The following MRPS9 variants were observed in gnomAD, a reference collection of about 807,000 sequenced individuals.
MRPS9 encodes mitochondrial ribosomal protein S9.
A neutral mutation model predicts 59.9 loss-of-function variants in MRPS9; 45 were observed. The observed-to-expected ratio is 0.75, with a 90% CI of 0.59 to 0.96. The LOEUF (loss-of-function observed/expected upper bound fraction) is 0.96. Ranked by LOEUF, MRPS9 falls within the 40% of genes least tolerant of loss-of-function variation. The pLI, the probability that MRPS9 is intolerant of heterozygous loss-of-function variation, is 0.00. For synonymous variants in MRPS9, 171 were observed against 166.8 expected, an observed-to-expected ratio of 1.03 and a Z score of -0.19; for missense variants, 473 against 481.1, an observed-to-expected ratio of 0.98 and a Z score of 0.16.
chr2:105,040,711 T>G (rs1421023792), intron 1 of MRPS9, among the ~76,000 whole-genome samples: 2 of 152,188 alleles, frequency 1.3e-5, no homozygotes, highest in Non-Finnish European at 2.9e-5. Flanking sequence ...GGCAGTCTTA[T>G]GAATGGCCAA....
chr2:105,086,356 T>G (rs1159366224), intron 5 of MRPS9, among the ~76,000 whole-genome samples: 1 of 152,186 alleles, frequency 6.6e-6, no homozygotes, highest in East Asian at 1.9e-4. Context: ...CACATTTTTT[T>G]CTGATAGTTT....
At chr2:105,084,937 T>C (rs1400861447) in intron 5 of MRPS9, among the ~76,000 whole-genome samples, 7 of 152,182 alleles carry the variant, frequency 4.6e-5, no homozygotes, top group Non-Finnish European at 1.5e-5. Context: ...TTGGCTTTAA[T>C]TAGATTACCT....
intron 5 of MRPS9, among the ~76,000 whole-genome samples, chr2:105,088,364 T>C (rs185592093): frequency 6.6e-6 from 1 of 152,248 alleles, no homozygotes; most frequent in East Asian, 1.9e-4. Flanking sequence ...TTGCAAGTTT[T>C]AACAAAATGG....
chr2:105,042,062 C>G lies in MRPS9; in HGVS notation c.135+3835C>G, dbSNP rs1679511774. Among the ~76,000 whole-genome samples, 2 of 152,138 alleles carry G rather than the reference C, an allele frequency of 1.3e-5. 1 individual carries two copies. Among genetic ancestry groups the G allele is most frequent in the South Asian group, 4.1e-4 (2 of 4,834 alleles). ...TGATGAACGTATCAGTTATTTATTGCTACATAACAAATTATCCTAAAACCT... is the reference window on the plus strand; with the variant it reads ...TGATGAACGTATCAGTTATTTATTGGTACATAACAAATTATCCTAAAACCT... On this transcript the variant is annotated intron_variant, in intron 1 of 10. Coordinates refer to ENST00000258455, the MANE Select transcript of MRPS9 (RefSeq NM_182640.3).
intron 2 of MRPS9, among the ~76,000 whole-genome samples, chr2:105,059,477 C>T (rs1028959962): frequency 1.3e-5 from 2 of 152,092 alleles, no homozygotes; most frequent in Admixed American, 1.3e-4. Flanking sequence ...AAACCAAATA[C>T]AAACCCAAAT....
intron 2 of MRPS9, among the ~76,000 whole-genome samples, chr2:105,053,658 A>G (rs1281624922): frequency 2.0e-5 from 3 of 152,202 alleles, no homozygotes; most frequent in African/African-American, 7.2e-5. Flanking sequence ...TCAGGTAGAA[A>G]CCAATTTTAA....
chr2:105,048,343 G>A (rs1392403598), intron 1 of MRPS9, among the ~76,000 whole-genome samples: 2 of 151,672 alleles, frequency 1.3e-5, no homozygotes, highest in East Asian at 1.9e-4. Context: ...CACACTCTGG[G>A]GACTGTTGTG....
At chr2:105,048,230 T>G (rs1402035808) in intron 1 of MRPS9, among the ~76,000 whole-genome samples, 1 of 151,988 alleles carries the variant, frequency 6.6e-6, no homozygotes, top group African/African-American at 2.4e-5. Flanking sequence ...GAAATCATCA[T>G]TCTCAGTAAA....
chr2:105,049,376 A>G, intron 2 of MRPS9, 26 bp downstream of exon 2: 1 of 1,584,176 alleles, frequency 6.3e-7, no homozygotes, highest in Non-Finnish European at 8.6e-7. Context: ...CTGTTGAAAA[A>G]GTAATTGCTG....
intron 8 of MRPS9, 48 bp from the exon 9 acceptor site, chr2:105,093,482 G>A: frequency 8.9e-7 from 1 of 1,121,042 alleles, no homozygotes; most frequent in Non-Finnish European, 1.3e-6. Flanking sequence ...CTGTCTCAAA[G>A]CGCAGGTCTT....
intron 7 of MRPS9, 173 bp from the exon 8 acceptor site, chr2:105,092,227 GA>G: frequency 2.2e-6 from 1 of 462,940 alleles, no homozygotes; most frequent in Non-Finnish European, 3.7e-6. Context: ...AGATACGCAG[GA>G]AAAGTGATGC....
chr2:105,085,419 T>C (rs1680427956), intron 5 of MRPS9, among the ~76,000 whole-genome samples: 3 of 152,192 alleles, frequency 2.0e-5, no homozygotes, highest in Admixed American at 2.0e-4. Flanking sequence ...TTAGTTACTA[T>C]TTATGTTGTG....
chr2:105,054,305 A>T (rs921137197), intron 2 of MRPS9, among the ~76,000 whole-genome samples: 3 of 152,214 alleles, frequency 2.0e-5, no homozygotes, highest in Non-Finnish European at 4.4e-5. Flanking sequence ...TTTGTCACAC[A>T]AGTCTTCCAT....
At chr2:105,079,822 TA>T (rs1680292229) in intron 4 of MRPS9, among the ~76,000 whole-genome samples, 160 bp from the exon 5 acceptor site, 1 of 152,228 alleles carries the variant, frequency 6.6e-6, no homozygotes, top group South Asian at 2.1e-4. Context: ...TATTTGCATA[TA>T]AATATGCTAA....
At chr2:105,069,095 C>G (rs1680057001) in intron 2 of MRPS9, among the ~76,000 whole-genome samples, 4 of 152,062 alleles carry the variant, frequency 2.6e-5, no homozygotes, top group Admixed American at 2.6e-4. Context: ...AGTGTGCTGT[C>G]AGACTTTTGA....
intron 1 of MRPS9, among the ~76,000 whole-genome samples, chr2:105,047,264 T>C (rs1679610163): frequency 6.6e-6 from 1 of 152,058 alleles, no homozygotes; most frequent in Non-Finnish European, 1.5e-5. Context: ...AAAAATAAAC[T>C]CAAGTTTCAG....
At chr2:105,060,804 G>A (rs541581189) in intron 2 of MRPS9, among the ~76,000 whole-genome samples, 52 of 152,046 alleles carry the variant, frequency 3.4e-4, no homozygotes, top group African/African-American at 1.2e-3. Context: ...CTGGGGGTAA[G>A]AGTAAAGATG....
At chr2:105,038,721 C>T (rs1344496000) in intron 1 of MRPS9, among the ~76,000 whole-genome samples, 1 of 152,180 alleles carries the variant, frequency 6.6e-6, no homozygotes, top group Non-Finnish European at 1.5e-5. Flanking sequence ...GAATCCCCCT[C>T]TATGGAAAGA....
intron 4 of MRPS9, among the ~76,000 whole-genome samples, chr2:105,078,805 A>C (rs889410095): frequency 6.6e-6 from 1 of 152,240 alleles, no homozygotes; most frequent in Non-Finnish European, 1.5e-5. Flanking sequence ...CCTCACAAAC[A>C]TAAATTCCAG....
Sources: allele counts gnomAD v4.1 joint callset (sites outside exome capture counted in the v4.1 genomes callset), GRCh38; gene constraint gnomAD v4.1.1; transcripts MANE v1.5; gene names NCBI Gene and HGNC (gene_info 2026-07-23, HGNC 2026-07-21).